Variants in PTPRA observed in about 807,000 individuals in gnomAD.
PTPRA encodes the protein receptor-type tyrosine-protein phosphatase alpha.
In PTPRA, 25 loss-of-function variants were observed where a neutral mutation model predicts 104.8. The ratio of observed to expected loss-of-function variants is 0.24; its 90% CI spans 0.17 to 0.33. The LOEUF (loss-of-function observed/expected upper bound fraction) is 0.33. Among genes scored for constraint, PTPRA ranks in the 10% least tolerant of loss-of-function variants. The probability of loss-of-function intolerance (pLI) is 1.00; values close to 1 mark genes in which losing one functional copy is unlikely to be tolerated. For synonymous variants in PTPRA, 323 were observed against 368.9 expected, an observed-to-expected ratio of 0.88 and a Z score of 1.43; for missense variants, 765 against 1,015.3, an observed-to-expected ratio of 0.75 and a Z score of 3.35.
chr20:2,966,199 A>T (rs991357661), intron 5 of PTPRA, among the ~76,000 whole-genome samples: 4 of 152,184 alleles, frequency 2.6e-5, no homozygotes, highest in Non-Finnish European at 5.9e-5. Flanking sequence ...CCGTAAAGAC[A>T]AGACAGCATT....
intron 3 of PTPRA, among the ~76,000 whole-genome samples, chr20:2,953,181 G>A (rs534997256): frequency 6.6e-6 from 1 of 152,120 alleles, no homozygotes; most frequent in Non-Finnish European, 1.5e-5. Context: ...AGTGTTCAGG[G>A]TTCCAATTTG....
chr20:2,984,837 G>C (rs745560732), intron 6 of PTPRA, among the ~76,000 whole-genome samples: 6 of 152,164 alleles, frequency 3.9e-5, no homozygotes, highest in Middle Eastern at 3.4e-3. Context: ...AGATCTTTGC[G>C]TGGTTCACTT....
At position 3,026,920 on chromosome 20, in the gene PTPRA, A is replaced by G. The variant is rs1307804222; in HGVS notation, c.1708+140A>G. On this transcript the variant is annotated intron_variant, in intron 18 of 23. Transcript: ENST00000399903. ...TGCCTCTTGTTGCACCCACTTAACA[A>G]CATGGCGTTGCCTTTTGTTGCACCT... The G allele has an allele frequency of 5.3e-6, 5 of 948,662 alleles. No individual in the cohort carries two copies. In the Admixed American group the frequency reaches 8.8e-5, roughly 17 times the overall value. The allele number at this position is 948,662 out of a possible 1,614,324, so 58.8% of individuals were successfully genotyped here. A position where few individuals can be genotyped will look rare whatever the true frequency, so the allele number is the denominator to read the frequency against.
At chr20:3,003,245 A>G (rs2063716829) in intron 9 of PTPRA, among the ~76,000 whole-genome samples, 1 of 152,220 alleles carries the variant, frequency 6.6e-6, no homozygotes, top group Non-Finnish European at 1.5e-5. Context: ...CTCTGTATCT[A>G]GCCCAGTGCC....
intron 1 of PTPRA, among the ~76,000 whole-genome samples, chr20:2,896,389 A>G (rs574845649): frequency 7.2e-5 from 11 of 152,324 alleles, no homozygotes; most frequent in South Asian, 4.1e-4. Flanking sequence ...AAAAACAAAA[A>G]CAAAAAACAA....
rs769774102 is a variant in PTPRA, at chr20:3,022,685, A to G, written c.1329-4A>G. The G allele has an allele frequency of 1.2e-6, 2 of 1,614,114 alleles. No individual in the cohort carries two copies. The highest frequency in any genetic ancestry group is 8.5e-7 in the Non-Finnish European group (1 of 1,179,980). On this transcript the variant is annotated splice_region_variant and splice_polypyrimidine_tract_variant and intron_variant, in intron 15 of 23. Coordinates refer to ENST00000399903, the MANE Select transcript of PTPRA (RefSeq NM_001385305.1). This position sits in a 1 kb window ranked among gnomAD's most constrained non-coding sequence, Gnocchi z 4.6. ...CCCTATAACCCCCTGCTCTCTGGCT[A>G]CAGTGCAGGTGTAGGGCGTACAGGT...
rs760702716 is a variant in PTPRA, at chr20:2,964,957, C to A, written c.170C>A (p.Thr57Asn). 184 of 1,613,798 alleles carry A rather than the reference C, an allele frequency of 1.1e-4. 1 individual carries two copies. The South Asian group carries it at 1.8e-3, about 16-fold the overall frequency. ...ACTTCAAATCCAACTTCTTCACTAACTTCTCTTTCTGTGGCACCAACATTC... is the reference window on the plus strand; with the variant it reads ...ACTTCAAATCCAACTTCTTCACTAAATTCTCTTTCTGTGGCACCAACATTC... ...AKTSNPTSSL[T>N]SLSVAPTFSP... is the part of the protein sequence containing the mutation. The change falls in exon 5 of 24, where the codon ACT (threonine) becomes AAT (asparagine). Residue 57 changes from threonine to asparagine, a missense_variant. Coordinates refer to ENST00000399903, the MANE Select transcript of PTPRA (RefSeq NM_001385305.1).
chr20:2,905,718 CTT>C (rs1481051831), intron 1 of PTPRA, among the ~76,000 whole-genome samples: 107 of 65,988 alleles, frequency 1.6e-3, no homozygotes, highest in African/African-American at 6.3e-3. Context: ...TTTTTTTGCT[CTT>C]GTTTCCCAGG....
At chr20:2,880,247 G>T (rs1027097413) in intron 1 of PTPRA, among the ~76,000 whole-genome samples, 2 of 152,174 alleles carry the variant, frequency 1.3e-5, no homozygotes, top group Non-Finnish European at 2.9e-5. Flanking sequence ...AGGGGAACTG[G>T]AAGAAAATTT....
chr20:2,959,556 A>G (rs546539888), intron 3 of PTPRA, among the ~76,000 whole-genome samples: 68 of 152,250 alleles, frequency 4.5e-4, no homozygotes, highest in Non-Finnish European at 4.6e-4. Context: ...TTTCTTTTTT[A>G]AAATAGACTT....
At chr20:3,036,424 T>G (rs1291993960) in intron 22 of PTPRA, among the ~76,000 whole-genome samples, 1 of 152,228 alleles carries the variant, frequency 6.6e-6, no homozygotes, top group Non-Finnish European at 1.5e-5. Context: ...CAATATGTTC[T>G]GAGGGGTCCC....
intron 11 of PTPRA, among the ~76,000 whole-genome samples, chr20:3,007,898 A>T (rs1446955283): frequency 6.6e-6 from 1 of 152,174 alleles, no homozygotes. Context: ...CTGAGGGAAG[A>T]GCTGATACTA....
intron 1 of PTPRA, among the ~76,000 whole-genome samples, chr20:2,894,284 T>A (rs1483485168): frequency 4.6e-5 from 7 of 152,208 alleles, no homozygotes; most frequent in Admixed American, 2.6e-4. Flanking sequence ...TCAGCAGGTT[T>A]TGAAAATGCC....
At chr20:2,967,204 A>G (rs1232764563) in intron 5 of PTPRA, among the ~76,000 whole-genome samples, 1 of 152,210 alleles carries the variant, frequency 6.6e-6, no homozygotes, top group Non-Finnish European at 1.5e-5. Flanking sequence ...TTAGTTTTCC[A>G]TAAACTGACT....
chr20:2,895,019 C>G (rs2058944594), intron 1 of PTPRA, among the ~76,000 whole-genome samples: 1 of 149,228 alleles, frequency 6.7e-6, no homozygotes, highest in Non-Finnish European at 1.5e-5. Context: ...GTTTGTCTTT[C>G]TCTTTGAAAC....
chr20:2,985,199 T>C (rs1468130793), intron 6 of PTPRA, among the ~76,000 whole-genome samples: 1 of 152,230 alleles, frequency 6.6e-6, no homozygotes, highest in Non-Finnish European at 1.5e-5. Context: ...ATGCCATTTG[T>C]TGGTGTTCTG....
intron 6 of PTPRA, 46 bp downstream of exon 6, chr20:2,975,287 A>G: frequency 6.7e-7 from 1 of 1,496,516 alleles, no homozygotes; most frequent in Non-Finnish European, 9.2e-7. Context: ...CACAGTGTAC[A>G]GTATTCATTT....
intron 1 of PTPRA, among the ~76,000 whole-genome samples, chr20:2,910,875 G>A (rs574013248): frequency 2.0e-5 from 3 of 150,440 alleles, no homozygotes; most frequent in African/African-American, 7.3e-5. Flanking sequence ...AAAGTGCTGG[G>A]ATCACAGGTG....
Position 2,986,862 on chromosome 20 carries a change from A to T in PTPRA, c.527+13A>T, listed in dbSNP as rs1355620762. Reference sequence around the variant, plus strand: ...TGTACATGTTAAGGTGAGCCTACTAACACTTCACATTCTCTTAGATTCTGT... The same window carrying T: ...TGTACATGTTAAGGTGAGCCTACTATCACTTCACATTCTCTTAGATTCTGT... On this transcript the variant is annotated intron_variant, in intron 7 of 23. Coordinates refer to ENST00000399903, the MANE Select transcript of PTPRA (RefSeq NM_001385305.1). 3.2e-6 allele frequency: 5 copies of T among 1,579,412 alleles called. No individual in the cohort carries two copies. The African/African-American group carries it at 4.0e-5, about 13-fold the overall frequency.
Sources: gnomAD v4.1 joint callset for allele counts (sites outside exome capture counted in the v4.1 genomes callset) on GRCh38, gnomAD v4.1.1 for gene constraint, Gnocchi (gnomAD v3.1) non-coding constraint, MANE v1.5 for transcripts, NCBI Gene and HGNC (gene_info 2026-07-23, HGNC 2026-07-21) for gene names.